SMYD3: variants seen among roughly 807,000 people sequenced by gnomAD.
SMYD3 encodes the protein SET and MYND domain containing 3, also known as histone-lysine N-methyltransferase SMYD3.
In SMYD3, 36 loss-of-function variants were observed where a neutral mutation model predicts 57.7. That is an observed-to-expected ratio of 0.62 (90% confidence interval 0.48 to 0.82). The LOEUF is 0.82. SMYD3 is among the 40% of genes least tolerant of loss of function. The probability of loss-of-function intolerance (pLI) is 0.00; values close to 1 mark genes in which losing one functional copy is unlikely to be tolerated. For missense variants in SMYD3, 515 were observed against 538.8 expected (o/e 0.96, Z 0.44); for synonymous variants, 211 against 195.0 (o/e 1.08, Z -0.68).
chr1:245,912,378 G>GCATA (rs1293827275), intron 8 of SMYD3, among the ~76,000 whole-genome samples: 1 of 151,994 alleles, frequency 6.6e-6, no homozygotes, highest in African/African-American at 2.4e-5. Context: ...AAATGGAAAG[G>GCATA]CATACCATGC....
chr1:246,309,503 T>G (rs572838114), intron 5 of SMYD3, among the ~76,000 whole-genome samples: 1 of 152,344 alleles, frequency 6.6e-6, no homozygotes. Context: ...TTCCTCTGTT[T>G]ACCAGGTAGA....
Position 246,348,077 on chromosome 1 carries a change from T to TATATATACACACATACATAC in SMYD3, c.228+6953_228+6954insGTATGTATGTGTGTATATAT. 8.1e-5 allele frequency among the ~76,000 whole-genome samples: 7 copies of TATATATACACACATACATAC among 86,486 alleles called. 3 individuals are homozygous for TATATATACACACATACATAC. Among genetic ancestry groups the TATATATACACACATACATAC allele is most frequent in the East Asian group, 4.8e-4 (2 of 4,210 alleles). The allele number at this position is 86,486 out of a possible 152,430, so 56.7% of individuals were successfully genotyped here. A position where few individuals can be genotyped will look rare whatever the true frequency, so the allele number is the denominator to read the frequency against. On this transcript the variant is annotated intron_variant, in intron 2 of 11. Coordinates refer to ENST00000490107, the MANE Select transcript of SMYD3 (RefSeq NM_001167740.2). Reference sequence around the variant, plus strand: ...AGAAAACGTTATATATATATATATATACACACACACCATCAAATACTATGA... The same window carrying TATATATACACACATACATAC: ...AGAAAACGTTATATATATATATATATATATATACACACATACATACACACACACACCATCAAATACTATGA...
chr1:245,921,547 G>GTATATATATATATATATATATATA (rs1491323831), intron 7 of SMYD3, among the ~76,000 whole-genome samples: 541 of 34,794 alleles, frequency 0.016, 32 homozygotes, highest in Non-Finnish European at 0.026. Flanking sequence ...AAAAAATGTG[G>GTATATATATATATATATATATATA]TGTATATATA....
At position 246,088,060 on chromosome 1, in the gene SMYD3, C is replaced by T. The variant is rs371418707; in HGVS notation, c.532-158123G>A. Reference sequence around the variant, plus strand: ...GAGATGCTCTTCGTCCTCTGTGAGCCCCTTTGACTCATGAATTGGTTTAAC... The same window carrying T: ...GAGATGCTCTTCGTCCTCTGTGAGCTCCTTTGACTCATGAATTGGTTTAAC... On this transcript the variant is annotated intron_variant, in intron 5 of 11. Coordinates refer to ENST00000490107, the MANE Select transcript of SMYD3 (RefSeq NM_001167740.2). Among the ~76,000 whole-genome samples the T allele has an allele frequency of 2.0e-4, 30 of 152,222 alleles. No homozygotes were observed. The South Asian group carries it at 6.0e-3, about 31-fold the overall frequency.
At chr1:246,456,115 A>T (rs569567864) in intron 1 of SMYD3, among the ~76,000 whole-genome samples, 1 of 152,174 alleles carries the variant, frequency 6.6e-6, no homozygotes, top group East Asian at 1.9e-4. Context: ...AATGTTGGTA[A>T]TCCCAAAGGA....
chr1:246,505,835 T>G (rs1479821623), intron 1 of SMYD3, among the ~76,000 whole-genome samples: 1 of 152,218 alleles, frequency 6.6e-6, no homozygotes, highest in East Asian at 1.9e-4. Context: ...TTGTCACCAT[T>G]TATTCATTCC....
intron 5 of SMYD3, among the ~76,000 whole-genome samples, chr1:246,239,683 T>C (rs988765819): frequency 2.0e-5 from 3 of 152,212 alleles, no homozygotes; most frequent in African/African-American, 7.2e-5. Context: ...TCCACAATGG[T>C]TGAACTAGTT....
chr1:246,347,078 G>A (rs1319834447), intron 2 of SMYD3, among the ~76,000 whole-genome samples: 1 of 151,936 alleles, frequency 6.6e-6, no homozygotes, highest in East Asian at 1.9e-4. Flanking sequence ...CTGGAGAGAA[G>A]AATCTCTGAG....
At chr1:245,847,599 T>C (rs1019954123) in intron 10 of SMYD3, among the ~76,000 whole-genome samples, 1 of 152,144 alleles carries the variant, frequency 6.6e-6, no homozygotes, top group African/African-American at 2.4e-5. Flanking sequence ...TTTCCTACTT[T>C]CTCTTCCACG....
chr1:246,123,865 C>G (rs1406027253), intron 5 of SMYD3, among the ~76,000 whole-genome samples: 1 of 152,048 alleles, frequency 6.6e-6, no homozygotes. Context: ...AACGAAATGG[C>G]AACCCTAGCA....
chr1:245,869,344 C>T (rs1307609035), intron 8 of SMYD3, among the ~76,000 whole-genome samples: 2 of 152,206 alleles, frequency 1.3e-5, no homozygotes, highest in African/African-American at 2.4e-5. Flanking sequence ...GCGCTGGTGG[C>T]ATCTCTGCCC....
At chr1:246,416,425 TCAC>T (rs1269390624) in intron 1 of SMYD3, among the ~76,000 whole-genome samples, 4 of 152,164 alleles carry the variant, frequency 2.6e-5, no homozygotes, top group African/African-American at 9.7e-5. Flanking sequence ...TGATTAGTAT[TCAC>T]CACCATTATT....
chr1:245,768,679 C>G (rs2046216814), intron 10 of SMYD3, among the ~76,000 whole-genome samples: 1 of 152,194 alleles, frequency 6.6e-6, no homozygotes, highest in South Asian at 2.1e-4. Context: ...GGCTCCTCCC[C>G]TTGTGAATGG....
chr1:246,107,472 G>C (rs1010956899), intron 5 of SMYD3, among the ~76,000 whole-genome samples: 1 of 152,074 alleles, frequency 6.6e-6, no homozygotes, highest in Non-Finnish European at 1.5e-5. Flanking sequence ...GAAAAGACTA[G>C]ACTATCAGGT....
chr1:245,958,636 A>G (rs1425339949), intron 5 of SMYD3, among the ~76,000 whole-genome samples: 3 of 152,114 alleles, frequency 2.0e-5, no homozygotes, highest in Non-Finnish European at 4.4e-5. Flanking sequence ...ACCCCACTGA[A>G]CCATCATTGC....
chr1:246,031,630 G>A (rs184055327), intron 5 of SMYD3, among the ~76,000 whole-genome samples: 41 of 152,002 alleles, frequency 2.7e-4, no homozygotes, highest in Admixed American at 5.2e-4. Flanking sequence ...CCAGCTACTC[G>A]GGAGGCTGAG....
At chr1:246,296,269 G>A (rs368769019) in intron 5 of SMYD3, among the ~76,000 whole-genome samples, 8 of 152,226 alleles carry the variant, frequency 5.3e-5, no homozygotes, top group South Asian at 4.1e-4. Context: ...TTTCTACAAC[G>A]ATTCAAGAAA....
At chr1:246,374,418 A>G (rs1359765033) in intron 1 of SMYD3, among the ~76,000 whole-genome samples, 1 of 152,184 alleles carries the variant, frequency 6.6e-6, no homozygotes, top group Admixed American at 6.5e-5. Flanking sequence ...GTCAAACAAG[A>G]AGACACTGCC....
intron 5 of SMYD3, among the ~76,000 whole-genome samples, chr1:246,281,356 C>T (rs7535586): frequency 0.34 from 51,038 of 152,118 alleles, 9,429 homozygotes; most frequent in East Asian, 0.72. Context: ...TGGCAACCTA[C>T]TATGTGCCAG....
Sources: gnomAD v4.1 joint callset for allele counts (sites outside exome capture counted in the v4.1 genomes callset) on GRCh38, gnomAD v4.1.1 for gene constraint, MANE v1.5 for transcripts, NCBI Gene and HGNC (gene_info 2026-07-23, HGNC 2026-07-21) for gene names.